FOXC2: variants seen among roughly 807,000 people sequenced by gnomAD.
FOXC2 encodes forkhead box protein C2.
FOXC2 carries 7 observed loss-of-function variants against 7.2 expected under a neutral mutation model. The ratio of observed to expected loss-of-function variants is 0.97; its 90% CI spans 0.55 to 1.81. FOXC2 has a LOEUF of 1.81. FOXC2 is among the 40% of genes most tolerant of loss of function. The probability of loss-of-function intolerance (pLI) is 0.00; values close to 1 mark genes in which losing one functional copy is unlikely to be tolerated. For synonymous variants in FOXC2, 436 were observed against 350.4 expected (o/e 1.24, Z -2.73); for missense variants, 846 against 741.2 (o/e 1.14, Z -1.64).
chr16:86,567,614 C>G lies in FOXC2; in HGVS notation c.279C>G (p.Ile93Met), dbSNP rs926624500. The G allele has an allele frequency of 1.2e-6, 2 of 1,614,164 alleles. No homozygotes were observed. Among genetic ancestry groups the G allele is most frequent in the African/African-American group, 2.7e-5 (2 of 75,056 alleles). The change falls in exon 1 of 1, where the codon ATC (isoleucine) becomes ATG (methionine). Residue 93 changes from isoleucine (I) to methionine (M), a missense_variant. By Grantham distance (10) the Ile-to-Met change is conservative. Coordinates refer to ENST00000649859, the MANE Select transcript of FOXC2 (RefSeq NM_005251.3). ...MAIQNAPEKKITLNGIYQFIM... is the reference protein window; with the variant it reads ...MAIQNAPEKKMTLNGIYQFIM... ...TCCAGAACGCGCCCGAGAAGAAGAT[C>G]ACCTTGAACGGCATCTACCAGTTCA...
At position 86,568,368 on chromosome 16, in the gene FOXC2, C is replaced by A; in HGVS notation, c.1033C>A (p.Pro345Thr). The A allele has an allele frequency of 7.3e-7, 1 of 1,377,774 alleles. No individual in the cohort carries two copies. The highest frequency in any genetic ancestry group is 9.4e-7 in the Non-Finnish European group (1 of 1,060,266). The allele number at this position is 1,377,774 out of a possible 1,614,324, so 85.3% of individuals were successfully genotyped here. The change falls in exon 1 of 1, where the codon CCG becomes ACG. Residue 345 changes from proline (P) to threonine (T), a missense_variant. Pro to Thr is a conservative substitution (Grantham distance 38, BLOSUM62 -1). Around this residue, in one of 3 missense-constraint regions of FOXC2, gnomAD observed 640 missense variants for 503.2 expected, o/e 1.27. Coordinates refer to ENST00000649859, the MANE Select transcript of FOXC2 (RefSeq NM_005251.3). The surrounding 1 kb of genome is among the most constrained non-coding windows in gnomAD (Gnocchi z 5.2). ...GAGCCTGTACACCGGGGCCGAGCGGCCGGCGCACATGTGCGTCCCGCCCGC... is the reference window on the plus strand; with the variant it reads ...GAGCCTGTACACCGGGGCCGAGCGGACGGCGCACATGTGCGTCCCGCCCGC... ...AMSLYTGAER[P>T]AHMCVPPALD... is the part of the protein sequence containing the mutation.
In FOXC2 at chr16:86,568,917, G is replaced by C; in HGVS notation, c.*76G>C. ...CCCGACCCAACCAGACAATTAAGGG[G>C]CTGCAGAGACGCAAAAAAGAAACAA... On this transcript the variant is annotated 3_prime_UTR_variant, in exon 1 of 1. Transcript: ENST00000649859. The surrounding 1 kb of genome is among the most constrained non-coding windows in gnomAD (Gnocchi z 5.2). The C allele has an allele frequency of 6.3e-7, 1 of 1,583,410 alleles. No homozygotes were observed. The highest frequency in any genetic ancestry group is 8.6e-7 in the Non-Finnish European group (1 of 1,161,526).
Position 86,569,087 on chromosome 16 carries a change from C to A in FOXC2, c.*246C>A. 1 of 602,026 alleles carries A rather than the reference C, an allele frequency of 1.7e-6. No homozygotes were observed. 37.3% of individuals were successfully genotyped at this position (602,026 alleles called of 1,614,324 possible). Reference sequence around the variant, plus strand: ...ACCCCTCCAAAGGGACGCAGCCCAACAAAATGAGTATTGATCTTAAAATCC... The same window carrying A: ...ACCCCTCCAAAGGGACGCAGCCCAAAAAAATGAGTATTGATCTTAAAATCC... On this transcript the variant is annotated 3_prime_UTR_variant, in exon 1 of 1. Coordinates refer to ENST00000649859, the MANE Select transcript of FOXC2 (RefSeq NM_005251.3).
chr16:86,568,546 C>A lies in FOXC2; in HGVS notation c.1211C>A (p.Pro404Gln). Residue 404 changes from proline to glutamine, a missense_variant, in exon 1 of 1, where the codon CCG becomes CAG. Around this residue, in one of 3 missense-constraint regions of FOXC2, gnomAD observed 640 missense variants for 503.2 expected, o/e 1.27. Transcript: ENST00000649859. The surrounding 1 kb of genome is among the most constrained non-coding windows in gnomAD (Gnocchi z 5.2). ...HHHPQAPPPP[P>Q]APQPQPTPQP... is the part of the protein sequence containing the mutation. ...CACCCGCAGGCGCCGCCGCCCCCGCCGGCTCCCCAGCCCCAGCCGACGCCG... is the reference window on the plus strand; with the variant it reads ...CACCCGCAGGCGCCGCCGCCCCCGCAGGCTCCCCAGCCCCAGCCGACGCCG... 1 of 1,318,414 alleles carries A rather than the reference C, an allele frequency of 7.6e-7. No homozygotes were observed. The highest frequency in any genetic ancestry group is 3.5e-5 in the Admixed American group (1 of 28,862). 81.7% of individuals were successfully genotyped at this position (1,318,414 alleles called of 1,614,324 possible). A position where few individuals can be genotyped will look rare whatever the true frequency, so the allele number is the denominator to read the frequency against.
rs766012007 is a variant in FOXC2, at chr16:86,567,470, G to C, written c.135G>C (p.Pro45=). ...CCATGGGCGTCTATTCCGGCCACCC[G>C]GAGCAGTACAGCGCGGGGATGGGCC... ...ASPMGVYSGH[P]EQYSAGMGRS... Residue 45 remains proline, a synonymous_variant, in exon 1 of 1, where the codon CCG becomes CCC. Coordinates refer to ENST00000649859, the MANE Select transcript of FOXC2 (RefSeq NM_005251.3). 1 of 1,613,526 alleles carries C rather than the reference G, an allele frequency of 6.2e-7. No individual in the cohort carries two copies. The highest frequency in any genetic ancestry group is 8.5e-7 in the Non-Finnish European group (1 of 1,179,962).
Position 86,568,086 on chromosome 16 carries a change from T to C in FOXC2, c.751T>C (p.Ser251Pro). 3 of 1,394,234 alleles carry C rather than the reference T, an allele frequency of 2.2e-6. No homozygotes were observed. The highest frequency in any genetic ancestry group is 3.3e-5 in the South Asian group (2 of 61,492). 86.4% of individuals were successfully genotyped at this position (1,394,234 alleles called of 1,614,324 possible). A position where few individuals can be genotyped will look rare whatever the true frequency, so the allele number is the denominator to read the frequency against. ...PRSAASTPAGSPDGSLPEHHA... is the reference protein window; with the variant it reads ...PRSAASTPAGPPDGSLPEHHA... The stretch of plus-strand genomic sequence containing the variant: ...CAGCGCGGCCTCCACGCCCGCCGGC[T>C]CCCCCGACGGCTCGCTGCCGGAGCA... Residue 251 changes from serine (S) to proline (P), a missense_variant, in exon 1 of 1, where the codon TCC becomes CCC. Coordinates refer to ENST00000649859, the MANE Select transcript of FOXC2 (RefSeq NM_005251.3). This position sits in a 1 kb window ranked among gnomAD's most constrained non-coding sequence, Gnocchi z 5.2.
chr16:86,567,369 G>A lies in FOXC2; in HGVS notation c.34G>A (p.Ala12Thr). Reference protein sequence around the residue: ...QARYSVSDPNALGVVPYLSEQ... With the variant: ...QARYSVSDPNTLGVVPYLSEQ... The stretch of plus-strand genomic sequence containing the variant: ...GCGCTACTCCGTGTCCGACCCCAAC[G>A]CCCTGGGAGTGGTGCCCTACCTGAG... The change falls in exon 1 of 1, where the codon GCC becomes ACC. Residue 12 changes from alanine to threonine, a missense_variant. Around this residue, in one of 3 missense-constraint regions of FOXC2, gnomAD observed 154 missense variants for 134.2 expected, o/e 1.15. Coordinates refer to ENST00000649859, the MANE Select transcript of FOXC2 (RefSeq NM_005251.3). 1 of 1,613,086 alleles carries A rather than the reference G, an allele frequency of 6.2e-7. No individual in the cohort carries two copies. The highest frequency in any genetic ancestry group is 8.5e-7 in the Non-Finnish European group (1 of 1,179,852).
At position 86,567,204 on chromosome 16, in the gene FOXC2, C is replaced by T; in HGVS notation, c.-132C>T. ...CCCTCGCCCCGGAGGCTGCCAGGAG[C>T]CCGGGGCCGCCCCTCCCGCTCCCCT... is the stretch of plus-strand genomic sequence containing the variant. On this transcript the variant is annotated 5_prime_UTR_variant, in exon 1 of 1. Coordinates refer to ENST00000649859, the MANE Select transcript of FOXC2 (RefSeq NM_005251.3). 9.5e-7 allele frequency: 1 copy of T among 1,055,264 alleles called. No homozygotes were observed. Among genetic ancestry groups the T allele is most frequent in the East Asian group, 2.7e-5 (1 of 37,656 alleles). 65.4% of individuals were successfully genotyped at this position (1,055,264 alleles called of 1,614,324 possible). A position where few individuals can be genotyped will look rare whatever the true frequency, so the allele number is the denominator to read the frequency against.
At position 86,567,503 on chromosome 16, in the gene FOXC2, C is replaced by T. The variant is rs1567571032; in HGVS notation, c.168C>T (p.Tyr56=). ...ACAGCGCGGGGATGGGCCGCTCCTA[C>T]GCGCCCTACCACCACCACCAGCCCG... ...EQYSAGMGRS[Y]APYHHHQPAA... The change falls in exon 1 of 1, where the codon TAC becomes TAT. Residue 56 remains tyrosine (Y), a synonymous_variant. Transcript: ENST00000649859. 3 of 1,613,752 alleles carry T rather than the reference C, an allele frequency of 1.9e-6. No homozygotes were observed. The highest frequency in any genetic ancestry group is 1.7e-5 in the Admixed American group (1 of 60,010).
Position 86,568,346 on chromosome 16 carries a change from C to T in FOXC2, c.1011C>T (p.Ser337=), listed in dbSNP as rs1253685676. Residue 337 remains serine, a synonymous_variant, in exon 1 of 1, where the codon AGC becomes AGT. Coordinates refer to ENST00000649859, the MANE Select transcript of FOXC2 (RefSeq NM_005251.3). The surrounding 1 kb of genome is among the most constrained non-coding windows in gnomAD (Gnocchi z 5.2). ...ACCAGTGCAGCATGCGAGCGATGAG[C>T]CTGTACACCGGGGCCGAGCGGCCGG... is the stretch of plus-strand genomic sequence containing the variant. The part of the protein sequence containing the change: ...GGYQCSMRAM[S]LYTGAERPAH... The T allele has an allele frequency of 5.9e-6, 8 of 1,357,892 alleles. No homozygotes were observed. Among genetic ancestry groups the T allele is most frequent in the East Asian group, 3.1e-5 (1 of 32,640 alleles). The allele number at this position is 1,357,892 out of a possible 1,614,324, so 84.1% of individuals were successfully genotyped here.
chr16:86,567,872 G>A lies in FOXC2; in HGVS notation c.537G>A (p.Glu179=). 1 of 1,610,862 alleles carries A rather than the reference G, an allele frequency of 6.2e-7. No homozygotes were observed. The highest frequency in any genetic ancestry group is 8.5e-7 in the Non-Finnish European group (1 of 1,179,850). ...KKKDVSKEKE[E]RAHLKEPPPA... ...AGGACGTGTCCAAGGAGAAGGAGGA[G>A]CGGGCCCACCTCAAGGAGCCGCCCC... Residue 179 remains glutamate, a synonymous_variant, in exon 1 of 1, where the codon GAG becomes GAA. Transcript: ENST00000649859.
chr16:86,568,439 C>A lies in FOXC2; in HGVS notation c.1104C>A (p.Pro368=). The A allele has an allele frequency of 7.3e-7, 1 of 1,376,472 alleles. No homozygotes were observed. The highest frequency in any genetic ancestry group is 9.5e-7 in the Non-Finnish European group (1 of 1,057,980). 85.3% of individuals were successfully genotyped at this position (1,376,472 alleles called of 1,614,324 possible). ...LSDHPSGPTS[P]LSALNLAAGQ... Reference sequence around the variant, plus strand: ...ACCACCCGAGCGGCCCCACGTCGCCCCTGAGCGCTCTCAACCTCGCCGCCG... The same window carrying A: ...ACCACCCGAGCGGCCCCACGTCGCCACTGAGCGCTCTCAACCTCGCCGCCG... The change falls in exon 1 of 1, where the codon CCC becomes CCA. Residue 368 remains proline, a synonymous_variant. Transcript: ENST00000649859. This position sits in a 1 kb window ranked among gnomAD's most constrained non-coding sequence, Gnocchi z 5.2.
chr16:86,567,818 C>T lies in FOXC2; in HGVS notation c.483C>T (p.Phe161=), dbSNP rs1458014918. The change falls in exon 1 of 1, where the codon TTC becomes TTT. Residue 161 remains phenylalanine (F), a synonymous_variant. Coordinates refer to ENST00000649859, the MANE Select transcript of FOXC2 (RefSeq NM_005251.3). ...DSYNMFENGS[F]LRRRRRFKKK... The stretch of plus-strand genomic sequence containing the variant: ...ACAACATGTTCGAGAACGGCAGCTT[C>T]CTGCGGCGCCGGCGGCGCTTCAAAA... 1.2e-6 allele frequency: 2 copies of T among 1,613,790 alleles called. No homozygotes were observed. Among genetic ancestry groups the T allele is most frequent in the East Asian group, 2.2e-5 (1 of 44,822 alleles).
chr16:86,567,488 G>A lies in FOXC2; in HGVS notation c.153G>A (p.Gly51=), dbSNP rs1974213065. 1.9e-6 allele frequency: 3 copies of A among 1,613,580 alleles called. No homozygotes were observed. The highest frequency in any genetic ancestry group is 1.3e-5 in the African/African-American group (1 of 74,916). ...YSGHPEQYSA[G]MGRSYAPYHH... Reference sequence around the variant, plus strand: ...GCCACCCGGAGCAGTACAGCGCGGGGATGGGCCGCTCCTACGCGCCCTACC... The same window carrying A: ...GCCACCCGGAGCAGTACAGCGCGGGAATGGGCCGCTCCTACGCGCCCTACC... The change falls in exon 1 of 1, where the codon GGG becomes GGA. Residue 51 remains glycine, a synonymous_variant. Coordinates refer to ENST00000649859, the MANE Select transcript of FOXC2 (RefSeq NM_005251.3).
At position 86,567,803 on chromosome 16, in the gene FOXC2, C is replaced by T. The variant is rs765569542; in HGVS notation, c.468C>T (p.Phe156=). The T allele has an allele frequency of 1.9e-6, 3 of 1,613,852 alleles. No individual in the cohort carries two copies. Among genetic ancestry groups the T allele is most frequent in the East Asian group, 4.5e-5 (2 of 44,854 alleles). The change falls in exon 1 of 1, where the codon TTC becomes TTT. Residue 156 remains phenylalanine (F), a synonymous_variant. Transcript: ENST00000649859. The part of the protein sequence containing the change: ...WTLDPDSYNM[F]ENGSFLRRRR... ...TGGACCCGGACTCCTACAACATGTT[C>T]GAGAACGGCAGCTTCCTGCGGCGCC... is the stretch of plus-strand genomic sequence containing the variant.
rs929372985 is a variant in FOXC2 at position 86,567,905 on chromosome 16, G to A, written c.570G>A (p.Ala190=). 1.3e-6 allele frequency: 2 copies of A among 1,580,980 alleles called. No individual in the cohort carries two copies. Among genetic ancestry groups the A allele is most frequent in the Non-Finnish European group, 1.7e-6 (2 of 1,172,458 alleles). Reference sequence around the variant, plus strand: ...ACCTCAAGGAGCCGCCCCCGGCGGCGTCCAAGGGCGCCCCGGCCACCCCCC... The same window carrying A: ...ACCTCAAGGAGCCGCCCCCGGCGGCATCCAAGGGCGCCCCGGCCACCCCCC... ...RAHLKEPPPA[A]SKGAPATPHL... Residue 190 remains alanine, a synonymous_variant, in exon 1 of 1, where the codon GCG becomes GCA. Transcript: ENST00000649859.
In FOXC2 at chr16:86,568,734, G is replaced by C. The variant is rs1974238941; in HGVS notation, c.1399G>C (p.Gly467Arg). 1 of 1,612,916 alleles carries C rather than the reference G, an allele frequency of 6.2e-7. No individual in the cohort carries two copies. Among genetic ancestry groups the C allele is most frequent in the South Asian group, 1.1e-5 (1 of 91,082 alleles). The change falls in exon 1 of 1, where the codon GGG becomes CGG. Residue 467 changes from glycine to arginine, a missense_variant. Gly to Arg is a moderately radical substitution (Grantham distance 125). Coordinates refer to ENST00000649859, the MANE Select transcript of FOXC2 (RefSeq NM_005251.3). This position sits in a 1 kb window ranked among gnomAD's most constrained non-coding sequence, Gnocchi z 5.2. ...HRLGIENSTL[G>R]ESQVSGNASC... ...GCTGGGGATTGAGAACTCGACCCTC[G>C]GGGAGTCCCAGGTGAGTGGCAATGC...
rs1974226133 is a variant in FOXC2, at chr16:86,568,138, C to T, written c.803C>T (p.Pro268Leu). The change falls in exon 1 of 1, where the codon CCT (proline) becomes CTT (leucine). Residue 268 changes from proline to leucine, a missense_variant. By Grantham distance (98) the Pro-to-Leu change is moderately conservative (BLOSUM62 -3). Around this residue, in one of 3 missense-constraint regions of FOXC2, gnomAD observed 640 missense variants for 503.2 expected, o/e 1.27. Transcript: ENST00000649859. The surrounding 1 kb of genome is among the most constrained non-coding windows in gnomAD (Gnocchi z 5.2). ...EHHAAAPNGL[P>L]GFSVENIMTL... Reference sequence around the variant, plus strand: ...CACGCCGCGGCGCCCAACGGGCTGCCTGGCTTCAGCGTGGAGAACATCATG... The same window carrying T: ...CACGCCGCGGCGCCCAACGGGCTGCTTGGCTTCAGCGTGGAGAACATCATG... 5.9e-6 allele frequency: 8 copies of T among 1,348,574 alleles called. No homozygotes were observed. The highest frequency in any genetic ancestry group is 7.6e-6 in the Non-Finnish European group (8 of 1,058,910). The allele number at this position is 1,348,574 out of a possible 1,614,324, so 83.5% of individuals were successfully genotyped here.
chr16:86,567,369 G>T lies in FOXC2; in HGVS notation c.34G>T (p.Ala12Ser). The change falls in exon 1 of 1, where the codon GCC becomes TCC. Residue 12 changes from alanine to serine, a missense_variant. Physicochemically the swap from Ala to Ser is moderately conservative, Grantham distance 99. Coordinates refer to ENST00000649859, the MANE Select transcript of FOXC2 (RefSeq NM_005251.3). Reference protein sequence around the residue: ...QARYSVSDPNALGVVPYLSEQ... With the variant: ...QARYSVSDPNSLGVVPYLSEQ... ...GCGCTACTCCGTGTCCGACCCCAAC[G>T]CCCTGGGAGTGGTGCCCTACCTGAG... 4 of 1,613,086 alleles carry T rather than the reference G, an allele frequency of 2.5e-6. No homozygotes were observed. The highest frequency in any genetic ancestry group is 3.4e-6 in the Non-Finnish European group (4 of 1,179,852).
Sources: gnomAD v4.1 joint callset for allele counts on GRCh38, gnomAD v4.1.1 for gene constraint, gnomAD v4.1.1 regional missense constraint, Gnocchi (gnomAD v3.1) non-coding constraint, MANE v1.5 for transcripts, NCBI Gene and HGNC (gene_info 2026-07-23, HGNC 2026-07-21) for gene names.